Variants in SFTPB observed in about 807,000 individuals in gnomAD.
SFTPB encodes pulmonary surfactant-associated protein B.
SFTPB carries 32 observed loss-of-function variants against 51.0 expected under a neutral mutation model. That is an observed-to-expected ratio of 0.63 (90% confidence interval 0.47 to 0.84). SFTPB has a LOEUF of 0.84. Ranked by LOEUF, SFTPB falls within the 40% of genes least tolerant of loss-of-function variation. The pLI is 0.00. For synonymous variants in SFTPB, 211 were observed against 208.5 expected, an observed-to-expected ratio of 1.01 and a Z score of -0.10; for missense variants, 431 against 491.2, an observed-to-expected ratio of 0.88 and a Z score of 1.16.
chr2:85,661,504 G>C lies in SFTPB; in HGVS notation c.1115C>G (p.Pro372Arg), dbSNP rs368016212. 6.2e-7 allele frequency: 1 copy of C among 1,612,290 alleles called. No individual in the cohort carries two copies. The highest frequency in any genetic ancestry group is 1.3e-5 in the African/African-American group (1 of 74,878). ...ALGVCGTMSSPLQCIHSPDL is the reference protein window; with the variant it reads ...ALGVCGTMSSRLQCIHSPDL Reference sequence around the variant, plus strand: ...GTCGGGGCTGTGGATACACTGGAGAGGGCTGGACATGGTCCCACACACCCC... The same window carrying C: ...GTCGGGGCTGTGGATACACTGGAGACGGCTGGACATGGTCCCACACACCCC... The change falls in exon 10 of 11, where the codon CCT becomes CGT. Residue 372 changes from proline to arginine, a missense_variant. Coordinates refer to ENST00000519937, the MANE Select transcript of SFTPB (RefSeq NM_000542.5).
rs1036758610 is a variant in SFTPB, at chr2:85,658,934, A to G, written c.*768T>C. 6.6e-6 allele frequency: 1 copy of G among 152,168 alleles called. No homozygotes were observed. Among genetic ancestry groups the G allele is most frequent in the African/African-American group, 2.4e-5 (1 of 41,428 alleles). 9.4% of individuals were successfully genotyped at this position (152,168 alleles called of 1,614,324 possible). ...ACACAGGAATGGGTCCCTAGCTTGC[A>G]CAACCCCAGCTGAGCTTTCAGCAGA... On this transcript the variant is annotated 3_prime_UTR_variant, in exon 11 of 11. Transcript: ENST00000519937.
chr2:85,666,526 G>A, intron 4 of SFTPB, 91 bp downstream of exon 4: 7 of 1,140,972 alleles, frequency 6.1e-6, no homozygotes, highest in Non-Finnish European at 8.8e-6. Context: ...TGTGTGTCTG[G>A]CTGGCTGGGG....
intron 10 of SFTPB, 93 bp downstream of exon 10, chr2:85,661,361 G>T: frequency 1.1e-6 from 1 of 873,984 alleles, no homozygotes; most frequent in Non-Finnish European, 1.9e-6. Context: ...AGGAGTGGCC[G>T]CCTCTTCCTG....
chr2:85,667,701 TC>T lies in SFTPB; in HGVS notation c.172del (p.Glu58LysfsTer35). On this transcript the variant is annotated frameshift_variant, in exon 2 of 11. Transcript: ENST00000519937. LOFTEE classifies it high-confidence loss of function. ...QCRALGHCLQEVWGHVGADDL... is the reference protein window; with the variant it reads ...QCRALGHCLQXVWGHVGADDL... ...CACGGCTCCCACATGTCCCCAGACT[TC>T]CTGTAGGCAATGCCCTAGGGCTCTG... 6.2e-7 allele frequency: 1 copy of T among 1,614,248 alleles called. No homozygotes were observed. The highest frequency in any genetic ancestry group is 8.5e-7 in the Non-Finnish European group (1 of 1,180,046).
At chr2:85,661,583 C>G (rs993103162) in intron 9 of SFTPB, 48 bp from the exon 10 acceptor site, 3 of 1,486,746 alleles carry the variant, frequency 2.0e-6, no homozygotes, top group African/African-American at 1.4e-5. Context: ...CCCTCAGCTC[C>G]CCACACCCAG....
At position 85,667,771 on chromosome 2, in the gene SFTPB, C is replaced by T. The variant is rs1677729635; in HGVS notation, c.103G>A (p.Gly35Ser). 3 of 1,614,260 alleles carry T rather than the reference C, an allele frequency of 1.9e-6. No homozygotes were observed. The highest frequency in any genetic ancestry group is 2.5e-6 in the Non-Finnish European group (3 of 1,180,052). ...AGGCTTTGGCACCAGAACTCAGGGCCCTGGGCACAGGCCAAGGATGAGGTG... is the reference window on the plus strand; with the variant it reads ...AGGCTTTGGCACCAGAACTCAGGGCTCTGGGCACAGGCCAAGGATGAGGTG... Reference protein sequence around the residue: ...WTTSSLACAQGPEFWCQSLEQ... With the variant: ...WTTSSLACAQSPEFWCQSLEQ... Residue 35 changes from glycine (G) to serine (S), a missense_variant, in exon 2 of 11, where the codon GGC becomes AGC. Physicochemically the swap from Gly to Ser is moderately conservative, Grantham distance 56. Coordinates refer to ENST00000519937, the MANE Select transcript of SFTPB (RefSeq NM_000542.5).
intron 5 of SFTPB, 30 bp downstream of exon 5, chr2:85,665,576 C>G: frequency 6.2e-7 from 1 of 1,611,788 alleles, no homozygotes; most frequent in Non-Finnish European, 8.5e-7. Context: ...TCTGGATCTC[C>G]ACTTTACTGG....
intron 8 of SFTPB, 134 bp from the exon 9 acceptor site, chr2:85,662,243 C>T: frequency 6.6e-7 from 1 of 1,521,088 alleles, no homozygotes; most frequent in Non-Finnish European, 8.9e-7. Flanking sequence ...CGGAACACCT[C>T]TGGCTGCAGT....
intron 3 of SFTPB, 69 bp downstream of exon 3, chr2:85,667,037 T>C (rs951372542): frequency 8.5e-6 from 12 of 1,406,610 alleles, no homozygotes; most frequent in Admixed American, 5.1e-5. Flanking sequence ...TTTAGGGGGC[T>C]CAGCTCTTCC....
At chr2:85,668,081 A>C (rs1346799358) in intron 1 of SFTPB, 36 bp downstream of exon 1, 2 of 1,485,800 alleles carry the variant, frequency 1.3e-6, no homozygotes, top group Admixed American at 3.9e-5. Context: ...TGAGTGGTGG[A>C]GCTGCCTAGG....
intron 10 of SFTPB, 102 bp downstream of exon 10, chr2:85,661,352 G>A: frequency 2.5e-6 from 2 of 797,520 alleles, no homozygotes; most frequent in South Asian, 1.5e-5. Context: ...GCAGCCGGCA[G>A]GAGTGGCCGC....
Position 85,662,015 on chromosome 2 carries a change from A to T in SFTPB, c.1083+14T>A. The stretch of plus-strand genomic sequence containing the variant: ...AAGGGAAGTCCTAGGACCAACTGGG[A>T]GGGGTGGGTGTACCTGGCAGGTGGT... On this transcript the variant is annotated intron_variant, in intron 9 of 10. Transcript: ENST00000519937. The T allele has an allele frequency of 6.3e-7, 1 of 1,590,136 alleles. No individual in the cohort carries two copies. The highest frequency in any genetic ancestry group is 8.5e-7 in the Non-Finnish European group (1 of 1,170,010).
chr2:85,667,360 T>A (rs373474962), intron 2 of SFTPB, among the ~76,000 whole-genome samples, 183 bp from the exon 3 acceptor site: 40 of 152,134 alleles, frequency 2.6e-4, no homozygotes, highest in African/African-American at 8.9e-4. Flanking sequence ...TATTCATCCA[T>A]CCCAATCCAT....
intron 1 of SFTPB, 144 bp downstream of exon 1, chr2:85,667,973 G>A: frequency 1.7e-6 from 2 of 1,186,058 alleles, no homozygotes; most frequent in Non-Finnish European, 2.4e-6. Context: ...CCAGCTGTGT[G>A]ACCTTGGATA....
Position 85,663,370 on chromosome 2 carries a change from A to C in SFTPB, c.978T>G (p.Val326=), listed in dbSNP as rs1383612950. 6.2e-7 allele frequency: 1 copy of C among 1,613,200 alleles called. No individual in the cohort carries two copies. Among genetic ancestry groups the C allele is most frequent in the African/African-American group, 1.3e-5 (1 of 74,922 alleles). The change falls in exon 8 of 11, where the codon GTT becomes GTG. Residue 326 remains valine (V), a synonymous_variant. Transcript: ENST00000519937. ...AIPQAMLQAC[V]GSWLDREKCK... Reference sequence around the variant, plus strand: ...CCTTTTCCCTGTCCAGCCAGGAGCCAACACAGGCCTGGAGCATTGCCTGTG... The same window carrying C: ...CCTTTTCCCTGTCCAGCCAGGAGCCCACACAGGCCTGGAGCATTGCCTGTG...
intron 4 of SFTPB, among the ~76,000 whole-genome samples, chr2:85,666,281 GTCTGGATGGAGTGC>G (rs1677599316): frequency 7.1e-6 from 1 of 140,726 alleles, no homozygotes; most frequent in Non-Finnish European, 1.6e-5. Flanking sequence ...GTGGGTATGT[GTCTGGATGGAGTGC>G]TGTGTGTGTG....
rs539333465 is a variant in SFTPB at position 85,666,564 on chromosome 2, G to A, written c.393+53C>T. 4.4e-5 allele frequency: 71 copies of A among 1,599,472 alleles called. No individual in the cohort carries two copies. In the Middle Eastern group the frequency reaches 1.7e-3, roughly 37 times the overall value. Reference sequence around the variant, plus strand: ...CTGTGTGTGTGGCTCCCCATGGGTGGGCACAGGGGCCTGCGTGGGGAGGCA... The same window carrying A: ...CTGTGTGTGTGGCTCCCCATGGGTGAGCACAGGGGCCTGCGTGGGGAGGCA... On this transcript the variant is annotated intron_variant, in intron 4 of 10. Coordinates refer to ENST00000519937, the MANE Select transcript of SFTPB (RefSeq NM_000542.5).
rs970251101 is a variant in SFTPB at position 85,663,375 on chromosome 2, A to C, written c.973T>G (p.Cys325Gly). The C allele has an allele frequency of 3.7e-6, 6 of 1,613,454 alleles. No homozygotes were observed. Among genetic ancestry groups the C allele is most frequent in the Non-Finnish European group, 5.1e-6 (6 of 1,180,020 alleles). Residue 325 changes from cysteine to glycine, a missense_variant, in exon 8 of 11, where the codon TGT becomes GGT. Physicochemically the swap from Cys to Gly is radical, Grantham distance 159. Transcript: ENST00000519937. Reference protein sequence around the residue: ...QAIPQAMLQACVGSWLDREKC... With the variant: ...QAIPQAMLQAGVGSWLDREKC... Reference sequence around the variant, plus strand: ...TCCCTGTCCAGCCAGGAGCCAACACAGGCCTGGAGCATTGCCTGTGGTATG... The same window carrying C: ...TCCCTGTCCAGCCAGGAGCCAACACCGGCCTGGAGCATTGCCTGTGGTATG...
At position 85,666,674 on chromosome 2, in the gene SFTPB, G is replaced by T. The variant is rs1298213949; in HGVS notation, c.336C>A (p.Cys112Ter). ...GGAAGTAGTCGTCAAGCACTTGGTT[G>T]CACTGGGGCATGAGCAGCTTCAAGG... Reference protein sequence around the residue: ...VLPLKLLMPQCNQVLDDYFPL... With the variant: ...VLPLKLLMPQ The change falls in exon 4 of 11, where the codon TGC (cysteine) becomes TGA (stop). Residue 112 changes from cysteine to a stop codon, truncating the protein, a stop_gained. Transcript: ENST00000519937. LOFTEE classifies it high-confidence loss of function. 6.2e-7 allele frequency: 1 copy of T among 1,613,822 alleles called. No homozygotes were observed. Among genetic ancestry groups the T allele is most frequent in the Admixed American group, 1.7e-5 (1 of 59,998 alleles).
Sources: allele counts gnomAD v4.1 joint callset (sites outside exome capture counted in the v4.1 genomes callset), GRCh38; gene constraint gnomAD v4.1.1; transcripts MANE v1.5; gene names NCBI Gene and HGNC (gene_info 2026-07-23, HGNC 2026-07-21).